Variants in VAT1L observed in about 807,000 individuals in gnomAD.
The protein encoded by VAT1L is putative NADPH-dependent quinone oxidoreductase VAT1L.
Under a neutral mutation model 44.1 loss-of-function variants are expected in VAT1L, and 34 were observed. That is an observed-to-expected ratio of 0.77 (90% CI 0.59 to 1.03). The LOEUF is 1.03. Ranked by LOEUF, VAT1L falls within the 50% of genes least tolerant of loss-of-function variation. VAT1L has a pLI of 0.00. For synonymous variants in VAT1L, 253 were observed against 202.2 expected (o/e 1.25, Z -2.13); for missense variants, 615 against 538.8 (o/e 1.14, Z -1.40).
chr16:77,812,510 G>C (rs1303251363), intron 1 of VAT1L, among the ~76,000 whole-genome samples: 1 of 152,178 alleles, frequency 6.6e-6, no homozygotes, highest in Non-Finnish European at 1.5e-5. Flanking sequence ...TGTACTGTCA[G>C]TGGTGTTGTG....
chr16:77,819,602 C>T (rs1400773461), intron 2 of VAT1L, among the ~76,000 whole-genome samples: 2 of 152,094 alleles, frequency 1.3e-5, no homozygotes, highest in African/African-American at 4.8e-5. Flanking sequence ...AGGCTGGTCT[C>T]GAACTCCTGA....
At chr16:77,894,139 G>A (rs1275585891) in intron 7 of VAT1L, among the ~76,000 whole-genome samples, 4 of 152,158 alleles carry the variant, frequency 2.6e-5, no homozygotes, top group African/African-American at 9.7e-5. Flanking sequence ...ACTATGTTGG[G>A]AAAGACCAGA....
At chr16:77,819,363 ATTCTT>A (rs2016409744) in intron 2 of VAT1L, among the ~76,000 whole-genome samples, 1 of 151,956 alleles carries the variant, frequency 6.6e-6, no homozygotes, top group Admixed American at 6.6e-5. Context: ...TGAAGATGAT[ATTCTT>A]TTCTTTTTTC....
At chr16:77,880,015 ACT>A (rs1222854976) in intron 6 of VAT1L, among the ~76,000 whole-genome samples, 1 of 151,682 alleles carries the variant, frequency 6.6e-6, no homozygotes, top group Non-Finnish European at 1.5e-5. Flanking sequence ...CTCATGAACC[ACT>A]CTCTTGGGTG....
chr16:77,912,990 C>G (rs906215063), intron 7 of VAT1L, among the ~76,000 whole-genome samples: 1 of 152,064 alleles, frequency 6.6e-6, no homozygotes, highest in Non-Finnish European at 1.5e-5. Flanking sequence ...AACTTAACGC[C>G]CTCCCAAAGG....
intron 3 of VAT1L, among the ~76,000 whole-genome samples, chr16:77,844,560 C>A (rs1305805004): frequency 6.6e-6 from 1 of 152,094 alleles, no homozygotes; most frequent in Non-Finnish European, 1.5e-5. Flanking sequence ...AGGTGCCCAC[C>A]ACCACGCCTG....
intron 7 of VAT1L, among the ~76,000 whole-genome samples, chr16:77,961,473 G>C (rs868757068): frequency 1.2e-4 from 18 of 152,274 alleles, no homozygotes; most frequent in Middle Eastern, 3.4e-3. Context: ...TTTAGAGATG[G>C]AGGTGGGAGA....
intron 4 of VAT1L, among the ~76,000 whole-genome samples, chr16:77,869,808 G>A (rs576404894): frequency 3.9e-5 from 6 of 152,302 alleles, no homozygotes; most frequent in East Asian, 1.9e-4. Flanking sequence ...TCAAACTCCC[G>A]ATCGAGGGGG....
At chr16:77,806,968 T>C (rs1800533180) in intron 1 of VAT1L, among the ~76,000 whole-genome samples, 1 of 152,158 alleles carries the variant, frequency 6.6e-6, no homozygotes, top group African/African-American at 2.4e-5. Context: ...TAAGGGATAC[T>C]TTCTGTGAGA....
intron 3 of VAT1L, among the ~76,000 whole-genome samples, chr16:77,836,875 G>A (rs1247301520): frequency 6.6e-6 from 1 of 152,154 alleles, no homozygotes; most frequent in Non-Finnish European, 1.5e-5. Flanking sequence ...TGCAATATTA[G>A]TTGAATAAAT....
At chr16:77,909,405 G>C (rs1172549818) in intron 7 of VAT1L, among the ~76,000 whole-genome samples, 4 of 152,092 alleles carry the variant, frequency 2.6e-5, no homozygotes, top group Admixed American at 1.3e-4. Flanking sequence ...GGGAGGCCTA[G>C]GCAGGCAGAT....
intron 7 of VAT1L, among the ~76,000 whole-genome samples, chr16:77,944,922 C>A (rs987029893): frequency 2.0e-5 from 3 of 152,102 alleles, no homozygotes; most frequent in Non-Finnish European, 4.4e-5. Context: ...CCCCGCCACA[C>A]ACACACACAG....
At chr16:77,966,905 G>A (rs940590271) in intron 7 of VAT1L, among the ~76,000 whole-genome samples, 1 of 143,036 alleles carries the variant, frequency 7.0e-6, no homozygotes, top group African/African-American at 2.6e-5. Flanking sequence ...AATACAGTGG[G>A]GAAGGGTTTT....
intron 3 of VAT1L, among the ~76,000 whole-genome samples, chr16:77,839,020 G>A (rs1024441748): frequency 6.6e-6 from 1 of 152,110 alleles, no homozygotes; most frequent in South Asian, 2.1e-4. Flanking sequence ...CTGTGGATAT[G>A]ATATAGACTT....
chr16:77,966,142 T>G (rs2018219901), intron 7 of VAT1L, among the ~76,000 whole-genome samples: 2 of 152,232 alleles, frequency 1.3e-5, no homozygotes, highest in South Asian at 4.1e-4. Context: ...ATTTCACCAG[T>G]TTCTTTTTAC....
intron 8 of VAT1L, among the ~76,000 whole-genome samples, chr16:77,976,407 GGT>G (rs1234940829): frequency 1.3e-5 from 2 of 152,194 alleles, no homozygotes; most frequent in Non-Finnish European, 2.9e-5. Context: ...GGGCAGAGGG[GGT>G]AGAGGAATGA....
At chr16:77,871,276 A>G (rs2017029542) in intron 4 of VAT1L, among the ~76,000 whole-genome samples, 1 of 151,666 alleles carries the variant, frequency 6.6e-6, no homozygotes. Flanking sequence ...ATGCAATGAC[A>G]GCAGGAAGGA....
rs71137846 is a variant in VAT1L at position 77,839,535 on chromosome 16, C to CAA, written c.579+14108_579+14109dup. Among the ~76,000 whole-genome samples the CAA allele has an allele frequency of 7.2e-3, 353 of 49,060 alleles. 19 individuals are homozygous for CAA. Among genetic ancestry groups the CAA allele is most frequent in the East Asian group, 0.019 (15 of 802 alleles). The allele number at this position is 49,060 out of a possible 152,430, so 32.2% of individuals were successfully genotyped here. A position where few individuals can be genotyped will look rare whatever the true frequency, so the allele number is the denominator to read the frequency against. On this transcript the variant is annotated intron_variant, in intron 3 of 8. Coordinates refer to ENST00000302536, the MANE Select transcript of VAT1L (RefSeq NM_020927.3). ...TGGGCGACAGAGAGATACTCCATAT[C>CAA]AAAAAAAAAAAAAAAAAAAAAAAAA...
chr16:77,893,085 A>C (rs995343160), intron 7 of VAT1L, among the ~76,000 whole-genome samples: 2 of 152,120 alleles, frequency 1.3e-5, no homozygotes, highest in African/African-American at 4.8e-5. Context: ...TGGATTGCAG[A>C]GTGAAGTTTA....
Sources: allele counts gnomAD v4.1 joint callset (sites outside exome capture counted in the v4.1 genomes callset), GRCh38; gene constraint gnomAD v4.1.1; transcripts MANE v1.5; gene names NCBI Gene and HGNC (gene_info 2026-07-23, HGNC 2026-07-21).